Variants in DOCK8 observed in about 807,000 individuals in gnomAD.
The protein encoded by DOCK8 is dedicator of cytokinesis 8, also known as dedicator of cytokinesis protein 8.
Under a neutral mutation model 245.6 loss-of-function variants are expected in DOCK8, and 141 were observed. The ratio of observed to expected loss-of-function variants is 0.57; its 90% confidence interval spans 0.50 to 0.66. The LOEUF (loss-of-function observed/expected upper bound fraction) is 0.66, where lower values mean the gene tolerates loss of function less well. Ranked by LOEUF, DOCK8 falls within the 30% of genes least tolerant of loss-of-function variation. The pLI is 0.00. For missense variants in DOCK8, 2,965 were observed against 2,603.4 expected (o/e 1.14, Z -3.02); for synonymous variants, 1,168 against 970.2 (o/e 1.20, Z -3.79).
chr9:378,669 G>A (rs1018976013), intron 20 of DOCK8, among the ~76,000 whole-genome samples: 3 of 152,226 alleles, frequency 2.0e-5, no homozygotes, highest in Middle Eastern at 3.2e-3. Flanking sequence ...TTGTTCACCA[G>A]ACAAAAATAT....
intron 14 of DOCK8, among the ~76,000 whole-genome samples, chr9:346,330 C>T (rs898317759): frequency 6.6e-6 from 1 of 150,468 alleles, no homozygotes; most frequent in African/African-American, 2.4e-5. Flanking sequence ...CAGCTGCTTT[C>T]TGGTGGGGGC....
intron 7 of DOCK8, among the ~76,000 whole-genome samples, chr9:322,457 G>A (rs1434064429): frequency 1.3e-5 from 2 of 151,840 alleles, no homozygotes; most frequent in African/African-American, 4.8e-5. Context: ...AGAGATGGCT[G>A]GGCTCAAAAC....
chr9:272,014 G>C (rs777470565), intron 2 of DOCK8, among the ~76,000 whole-genome samples: 5 of 152,116 alleles, frequency 3.3e-5, no homozygotes, highest in Non-Finnish European at 7.4e-5. Context: ...GTTCATATTT[G>C]GGGGAGAAGG....
chr9:236,235 A>G (rs1205638216), intron 1 of DOCK8, among the ~76,000 whole-genome samples: 1 of 152,128 alleles, frequency 6.6e-6, no homozygotes, highest in Non-Finnish European at 1.5e-5. Context: ...GTGAATCAGT[A>G]TTGGAGACAG....
chr9:223,387 G>C (rs2046925912), intron 1 of DOCK8, among the ~76,000 whole-genome samples: 1 of 152,120 alleles, frequency 6.6e-6, no homozygotes, highest in African/African-American at 2.4e-5. Flanking sequence ...ACAAAGACAA[G>C]TGAGTCATGG....
chr9:376,355 C>G (rs753475070), intron 19 of DOCK8, 50 bp downstream of exon 19: 2 of 1,248,950 alleles, frequency 1.6e-6, no homozygotes, highest in Non-Finnish European at 2.4e-6. Context: ...GCGGAGGAGC[C>G]TTTGAAGGAC....
chr9:422,902 T>G (rs2056331473), intron 33 of DOCK8, among the ~76,000 whole-genome samples: 1 of 151,736 alleles, frequency 6.6e-6, no homozygotes, highest in Non-Finnish European at 1.5e-5. Flanking sequence ...GAAGAGTCGC[T>G]TGAACCCGGG....
intron 6 of DOCK8, among the ~76,000 whole-genome samples, chr9:315,702 GAATTGAACTT>G (rs1265183689): frequency 1.3e-5 from 2 of 152,168 alleles, no homozygotes; most frequent in African/African-American, 4.8e-5. Flanking sequence ...GAATGCCCCT[GAATTGAACTT>G]GTTGAAGCTA....
chr9:422,211 A>T, intron 33 of DOCK8, 76 bp downstream of exon 33: 3 of 1,160,344 alleles, frequency 2.6e-6, no homozygotes, highest in Non-Finnish European at 3.9e-6. Context: ...TGTATTACTG[A>T]AACAACTGCA....
intron 14 of DOCK8, among the ~76,000 whole-genome samples, chr9:349,963 C>G (rs1176084689): frequency 1.3e-5 from 2 of 152,172 alleles, no homozygotes; most frequent in African/African-American, 2.4e-5. Context: ...CCGCCGCCCT[C>G]CAATAGCTCT....
rs541847318 is a variant in DOCK8, at chr9:357,844, T to C, written c.1680-10174T>C. Among the ~76,000 whole-genome samples the C allele has an allele frequency of 2.5e-3, 379 of 152,336 alleles. 1 individual carries two copies. The highest frequency in any genetic ancestry group is 8.8e-3 in the African/African-American group (366 of 41,570). On this transcript the variant is annotated intron_variant, in intron 14 of 47. Transcript: ENST00000432829. Reference sequence around the variant, plus strand: ...AACATGTTTTACCTTCCATTTTTCTTGCTCTGATTTCTGAAGACAGAATGT... The same window carrying C: ...AACATGTTTTACCTTCCATTTTTCTCGCTCTGATTTCTGAAGACAGAATGT...
At chr9:239,109 A>C (rs569384284) in intron 1 of DOCK8, among the ~76,000 whole-genome samples, 1 of 152,226 alleles carries the variant, frequency 6.6e-6, no homozygotes, top group South Asian at 2.1e-4. Flanking sequence ...TTTCTCATCA[A>C]TGTTATAACT....
intron 2 of DOCK8, among the ~76,000 whole-genome samples, chr9:275,218 A>G (rs2048296713): frequency 6.6e-6 from 1 of 151,790 alleles, no homozygotes; most frequent in African/African-American, 2.4e-5. Context: ...CTCTCTTACG[A>G]TTTGGCACTA....
Position 406,995 on chromosome 9 carries a change from G to A in DOCK8, c.3456G>A (p.Glu1152=). The change falls in exon 28 of 48, where the codon GAG becomes GAA. Residue 1152 remains glutamate (E), a synonymous_variant. Transcript: ENST00000432829. ...KIASMFDLTS[E]YRQQHFLTGL... is the part of the protein sequence containing the mutation. ...CCAGCATGTTCGATCTGACTTCCGAGTACCGCCAGCAGCACTTCCTCACCG... is the reference window on the plus strand; with the variant it reads ...CCAGCATGTTCGATCTGACTTCCGAATACCGCCAGCAGCACTTCCTCACCG... The A allele has an allele frequency of 6.2e-7, 1 of 1,614,150 alleles. No individual in the cohort carries two copies. The highest frequency in any genetic ancestry group is 8.5e-7 in the Non-Finnish European group (1 of 1,180,026).
Position 326,655 on chromosome 9 carries a change from A to T in DOCK8, c.894+918A>T, listed in dbSNP as rs377316457. Among the ~76,000 whole-genome samples the T allele has an allele frequency of 2.6e-5, 4 of 152,298 alleles. 1 individual carries two copies. On this transcript the variant is annotated intron_variant, in intron 8 of 47. Transcript: ENST00000432829. The stretch of plus-strand genomic sequence containing the variant: ...TGTTTCTTTAACCATCCAGGGTGGG[A>T]GGAGGGACCCCTCTGTTCCACGCAG...
At chr9:339,221 G>C in intron 13 of DOCK8, 122 bp downstream of exon 13, 1 of 861,346 alleles carries the variant, frequency 1.2e-6, no homozygotes, top group Non-Finnish European at 1.9e-6. Flanking sequence ...GAGATTTTGT[G>C]TTAGGGGTTA....
chr9:423,869 G>A (rs902779733), intron 33 of DOCK8, among the ~76,000 whole-genome samples: 2 of 152,074 alleles, frequency 1.3e-5, no homozygotes, highest in African/African-American at 4.8e-5. Context: ...AAGTAGGCCT[G>A]TTTTGCCTGG....
chr9:368,405 GCCCATAGGACCAC>G (rs1354941305), intron 15 of DOCK8: 2 of 655,308 alleles, frequency 3.1e-6, no homozygotes, highest in East Asian at 5.4e-5. Flanking sequence ...TTTCCATACT[GCCCATAGGACCAC>G]CCCACTCTAA....
At chr9:233,268 G>T (rs962673217) in intron 1 of DOCK8, among the ~76,000 whole-genome samples, 2 of 151,912 alleles carry the variant, frequency 1.3e-5, no homozygotes, top group Admixed American at 6.6e-5. Flanking sequence ...GAGACAGTTT[G>T]TTATAATTTC....
Sources: allele counts gnomAD v4.1 joint callset (sites outside exome capture counted in the v4.1 genomes callset), GRCh38; gene constraint gnomAD v4.1.1; transcripts MANE v1.5; gene names NCBI Gene and HGNC (gene_info 2026-07-23, HGNC 2026-07-21).